Variants in C12orf42 observed in about 807,000 individuals in gnomAD.
C12orf42 encodes chromosome 12 open reading frame 42.
A neutral mutation model predicts 21.6 loss-of-function variants in C12orf42; 25 were observed. That is an observed-to-expected ratio of 1.16 (90% confidence interval 0.84 to 1.62). The LOEUF (loss-of-function observed/expected upper bound fraction) is 1.62. Among genes scored for constraint, C12orf42 ranks in the 40% most tolerant of loss-of-function variants. C12orf42 has a pLI of 0.00. For missense variants in C12orf42, 483 were observed against 459.3 expected, an observed-to-expected ratio of 1.05 and a Z score of -0.47; for synonymous variants, 174 against 175.0, an observed-to-expected ratio of 0.99 and a Z score of 0.05.
intron 3 of C12orf42, among the ~76,000 whole-genome samples, chr12:103,381,127 C>T (rs1193635269): frequency 6.6e-6 from 1 of 152,188 alleles, no homozygotes; most frequent in Non-Finnish European, 1.5e-5. Flanking sequence ...TGTATTAGGA[C>T]TCGTCAGAGT....
intron 4 of C12orf42, among the ~76,000 whole-genome samples, chr12:103,329,854 G>A (rs2041072515): frequency 6.6e-6 from 1 of 151,646 alleles, no homozygotes; most frequent in African/African-American, 2.4e-5. Context: ...ATAGAAAATT[G>A]TGATAAATAT....
chr12:103,455,762 G>A (rs1952246605), intron 2 of C12orf42, among the ~76,000 whole-genome samples: 1 of 152,114 alleles, frequency 6.6e-6, no homozygotes, highest in Non-Finnish European at 1.5e-5. Flanking sequence ...CTTAGAATAA[G>A]TATTTCTGAG....
At chr12:103,299,127 TA>T (rs1404142574), downstream of C12orf42, among the ~76,000 whole-genome samples, 17 of 152,230 alleles carry the variant, frequency 1.1e-4, no homozygotes, top group East Asian at 3.3e-3. Context: ...CTAGCTTTCA[TA>T]ATATATTGTA....
intron 2 of C12orf42, chr12:103,441,726 T>A (rs1951259263): frequency 1.3e-5 from 2 of 152,182 alleles, no homozygotes; most frequent in South Asian, 4.1e-4. Flanking sequence ...CATATTCAGA[T>A]GAGCAAATGT....
At position 103,353,833 on chromosome 12, in the gene C12orf42, A is replaced by G. The variant is rs114997147; in HGVS notation, c.259+15054T>C. Among the ~76,000 whole-genome samples, 567 of 152,300 alleles carry G rather than the reference A, an allele frequency of 3.7e-3. 7 individuals are homozygous for G. The highest frequency in any genetic ancestry group is 0.013 in the African/African-American group (554 of 41,578). On this transcript the variant is annotated intron_variant, in intron 4 of 5. Transcript: ENST00000548883. ...CAGTGGGAACCACCAGCCCTTCACG[A>G]GGGTGAGCAACCTGAAAGAGTCCTG...
chr12:103,342,684 T>C (rs2042267232), intron 4 of C12orf42, among the ~76,000 whole-genome samples: 4 of 120,894 alleles, frequency 3.3e-5, no homozygotes, highest in Admixed American at 3.1e-4. Flanking sequence ...CCCATCTTTC[T>C]ACAAAAACAA....
chr12:103,203,915 A>AT, the C12orf42 span, among the ~76,000 whole-genome samples: 2 of 152,182 alleles, frequency 1.3e-5, no homozygotes, highest in African/African-American at 4.8e-5. Flanking sequence ...GCAGAAATTT[A>AT]TTTTTGATAG....
At chr12:103,294,584 G>GAAAGAAAGAA (rs2037096054) in intron 4 of C12orf42, among the ~76,000 whole-genome samples, 2 of 19,598 alleles carry the variant, frequency 1.0e-4, no homozygotes, top group African/African-American at 3.4e-4. Context: ...AGGAAGGAAG[G>GAAAGAAAGAA]AAAGAAAGAA....
At chr12:103,287,559 G>A (rs937142153) in intron 4 of C12orf42, among the ~76,000 whole-genome samples, 3 of 152,084 alleles carry the variant, frequency 2.0e-5, no homozygotes, top group Admixed American at 6.5e-5. Flanking sequence ...CTGTTGTGGG[G>A]TGGGGAGAGG....
At position 103,383,268 on chromosome 12, in the gene C12orf42, A is replaced by T. The variant is rs922021463; in HGVS notation, c.148-14270T>A. ...AGGTGCCTGCCACCATGCTTGGCTA[A>T]TTTTTTTGTATTTTTAGTAGAGACA... On this transcript the variant is annotated intron_variant, in intron 3 of 5. Transcript: ENST00000548883. Among the ~76,000 whole-genome samples, 6 of 151,792 alleles carry T rather than the reference A, an allele frequency of 4.0e-5. No individual in the cohort carries two copies. The South Asian group carries it at 6.3e-4, about 16-fold the overall frequency.
At chr12:103,321,878 G>GTT (rs1358236124) in intron 4 of C12orf42, among the ~76,000 whole-genome samples, 1 of 151,666 alleles carries the variant, frequency 6.6e-6, no homozygotes, top group East Asian at 1.9e-4. Context: ...GGTGGGGGAA[G>GTT]GGGGGAGGGA....
intron 4 of C12orf42, among the ~76,000 whole-genome samples, chr12:103,314,340 T>C (rs946443124): frequency 6.6e-6 from 1 of 152,148 alleles, no homozygotes; most frequent in African/African-American, 2.4e-5. Context: ...AGTTGCCCAG[T>C]GAAAGGTGAT....
chr12:103,127,671 A>G, the C12orf42 span, among the ~76,000 whole-genome samples: 1 of 152,220 alleles, frequency 6.6e-6, no homozygotes, highest in African/African-American at 2.4e-5. Flanking sequence ...TAATAACAGC[A>G]TCTAACAGGT....
At chr12:103,507,504 C>CA in the C12orf42 span, among the ~76,000 whole-genome samples, 111 of 126,360 alleles carry the variant, frequency 8.8e-4, no homozygotes, top group Admixed American at 1.2e-3. Context: ...ACCCCATCTT[C>CA]AAAAAAAAAA....
chr12:103,095,924 C>A, the C12orf42 span, among the ~76,000 whole-genome samples: 1 of 152,256 alleles, frequency 6.6e-6, no homozygotes, highest in East Asian at 1.9e-4. Flanking sequence ...GATAAGATTG[C>A]CCAGTTCTGT....
chr12:103,115,929 G>A, the C12orf42 span, among the ~76,000 whole-genome samples: 2 of 152,140 alleles, frequency 1.3e-5, no homozygotes, highest in African/African-American at 4.8e-5. Flanking sequence ...CTTGGCGTTT[G>A]GGTTATCAAA....
At chr12:103,088,747 C>G in the C12orf42 span, among the ~76,000 whole-genome samples, 2 of 152,188 alleles carry the variant, frequency 1.3e-5, no homozygotes, top group Non-Finnish European at 2.9e-5. Context: ...CTGGGGGAAG[C>G]AGTCACCATG....
chr12:103,118,774 A>T, the C12orf42 span, among the ~76,000 whole-genome samples: 5 of 57,920 alleles, frequency 8.6e-5, no homozygotes, highest in Non-Finnish European at 1.0e-4. Context: ...CTCCAGCCTA[A>T]AAAAAAAAAA....
intron 4 of C12orf42, among the ~76,000 whole-genome samples, chr12:103,333,409 A>G (rs896365287): frequency 9.2e-5 from 14 of 152,230 alleles, no homozygotes; most frequent in African/African-American, 2.9e-4. Flanking sequence ...ATTGTCAGAA[A>G]CTAGAATTTT....
Sources: gnomAD v4.1 joint callset for allele counts (sites outside exome capture counted in the v4.1 genomes callset) on GRCh38, gnomAD v4.1.1 for gene constraint, MANE v1.5 for transcripts, NCBI Gene and HGNC (gene_info 2026-07-23, HGNC 2026-07-21) for gene names.